The following TOP3A variants were observed in gnomAD, a reference collection of about 807,000 sequenced individuals.
TOP3A encodes the protein DNA topoisomerase 3-alpha.
In TOP3A, 64 loss-of-function variants were observed where a neutral mutation model predicts 111.3. The observed-to-expected ratio is 0.57, with a 90% CI of 0.47 to 0.71. TOP3A has a LOEUF of 0.71. Ranked by LOEUF, TOP3A falls within the 30% of genes least tolerant of loss-of-function variation. The pLI is 0.00. For missense variants in TOP3A, 1,104 were observed against 1,285.0 expected (o/e 0.86, Z 2.15); for synonymous variants, 484 against 485.1 (o/e 1.00, Z 0.03).
intron 1 of TOP3A, among the ~76,000 whole-genome samples, chr17:18,311,743 C>T (rs1981924769): frequency 6.6e-6 from 1 of 152,186 alleles, no homozygotes; most frequent in Admixed American, 6.5e-5. Context: ...ATCGCACATC[C>T]CATTATTTAA....
At chr17:18,288,151 A>AT (rs1295233051) in intron 13 of TOP3A, among the ~76,000 whole-genome samples, 77 of 126,608 alleles carry the variant, frequency 6.1e-4, no homozygotes, top group South Asian at 1.2e-3. Flanking sequence ...ATATATATAA[A>AT]TTTTTTTTTT....
chr17:18,274,638 G>T lies in TOP3A; in HGVS notation c.*164C>A. 1 of 1,207,674 alleles carries T rather than the reference G, an allele frequency of 8.3e-7. No individual in the cohort carries two copies. Among genetic ancestry groups the T allele is most frequent in the Non-Finnish European group, 1.1e-6 (1 of 889,692 alleles). 74.8% of individuals were successfully genotyped at this position (1,207,674 alleles called of 1,614,324 possible). On this transcript the variant is annotated 3_prime_UTR_variant, in exon 19 of 19. Transcript: ENST00000321105. Reference sequence around the variant, plus strand: ...CAGCAGAGCTGGCCTGCTCCAGAGTGATCTGGACCTTGTGCCCCTTAACAC... The same window carrying T: ...CAGCAGAGCTGGCCTGCTCCAGAGTTATCTGGACCTTGTGCCCCTTAACAC...
In TOP3A at chr17:18,302,409, G is replaced by T. The variant is rs201409673; in HGVS notation, c.669C>A (p.Thr223=). The part of the protein sequence containing the change: ...RIGAAFTRFQ[T]LRLQRIFPEV... The stretch of plus-strand genomic sequence containing the variant: ...CAGGAAAAATCCTCTGAAGCCGCAG[G>T]GTCTGGAACCTAGTAAAGGCAGCTC... Residue 223 remains threonine (T), a synonymous_variant, in exon 7 of 19, where the codon ACC becomes ACA. Transcript: ENST00000321105. 6.2e-7 allele frequency: 1 copy of T among 1,610,252 alleles called. No homozygotes were observed. The highest frequency in any genetic ancestry group is 8.5e-7 in the Non-Finnish European group (1 of 1,178,938).
intron 16 of TOP3A, among the ~76,000 whole-genome samples, chr17:18,281,590 T>C (rs1367438934): frequency 6.6e-6 from 1 of 152,188 alleles, no homozygotes; most frequent in African/African-American, 2.4e-5. Flanking sequence ...AGTGCTGAAA[T>C]ATACGCCCAG....
intron 8 of TOP3A, among the ~76,000 whole-genome samples, 197 bp from the exon 9 acceptor site, chr17:18,299,830 T>C (rs1383193587): frequency 6.6e-6 from 1 of 152,114 alleles, no homozygotes; most frequent in Non-Finnish European, 1.5e-5. Flanking sequence ...ACTTTCCCAC[T>C]CAAACCAAGA....
At chr17:18,292,902 T>G in intron 10 of TOP3A, 50 bp from the exon 11 acceptor site, 2 of 1,549,572 alleles carry the variant, frequency 1.3e-6, no homozygotes. Context: ...GCTCTCTGAT[T>G]GGTCTATAAA....
chr17:18,285,092 C>T (rs1176291479), intron 15 of TOP3A, 50 bp downstream of exon 15: 1 of 1,595,506 alleles, frequency 6.3e-7, no homozygotes, highest in Non-Finnish European at 8.5e-7. Flanking sequence ...AGTTCAAGAC[C>T]AGCCTGGGCA....
chr17:18,293,322 G>A (rs1393049396), intron 10 of TOP3A, among the ~76,000 whole-genome samples: 3 of 152,240 alleles, frequency 2.0e-5, no homozygotes, highest in Non-Finnish European at 4.4e-5. Flanking sequence ...GTCTTGCTGT[G>A]GCACCCAGGC....
At position 18,290,854 on chromosome 17, in the gene TOP3A, G is replaced by A; in HGVS notation, c.1455C>T (p.His485=). Residue 485 remains histidine (H), a synonymous_variant, in exon 12 of 19, where the codon CAC becomes CAT. Transcript: ENST00000321105. ...RNYLDVYPYD[H]WSDKILPVYE... ...CACTCTTTATTACCTTGTCACTCCA[G>A]TGATCATATGGATACACATCCAGAT... 1 of 1,614,140 alleles carries A rather than the reference G, an allele frequency of 6.2e-7. No homozygotes were observed. Among genetic ancestry groups the A allele is most frequent in the Non-Finnish European group, 8.5e-7 (1 of 1,180,010 alleles).
At position 18,294,763 on chromosome 17, in the gene TOP3A, C is replaced by T. The variant is rs145416998; in HGVS notation, c.1013G>A (p.Arg338Gln). The T allele has an allele frequency of 1.9e-6, 3 of 1,613,836 alleles. No homozygotes were observed. The highest frequency in any genetic ancestry group is 2.2e-5 in the South Asian group (2 of 91,064). The change falls in exon 10 of 19, where the codon CGA (arginine) becomes CAA (glutamine). Residue 338 changes from arginine (R) to glutamine (Q), a missense_variant. Coordinates refer to ENST00000321105, the MANE Select transcript of TOP3A (RefSeq NM_004618.5). ...TTCTTTAGCATTTATTCTCAACTTT[C>T]GAGAAGCCAGCTTCTCAAGCTCCTG... Reference protein sequence around the residue: ...DTVELEKLASRKLRINAKETM... With the variant: ...DTVELEKLASQKLRINAKETM...
chr17:18,292,903 G>A, intron 10 of TOP3A, 51 bp from the exon 11 acceptor site: 1 of 1,541,774 alleles, frequency 6.5e-7, no homozygotes, highest in East Asian at 2.3e-5. Flanking sequence ...CTCTCTGATT[G>A]GTCTATAAAC....
chr17:18,290,346 G>A (rs1980387859), intron 13 of TOP3A, among the ~76,000 whole-genome samples: 1 of 152,232 alleles, frequency 6.6e-6, no homozygotes, highest in Admixed American at 6.5e-5. Context: ...TAAGAGCACT[G>A]ACTGTGGAGT....
Position 18,285,314 on chromosome 17 carries a change from G to A in TOP3A, c.1712-7C>T. Reference sequence around the variant, plus strand: ...TAGCCCATGGAATCATAACCTGCAGGGAGAGAGTCGAGCTCAGTGAGGGCC... The same window carrying A: ...TAGCCCATGGAATCATAACCTGCAGAGAGAGAGTCGAGCTCAGTGAGGGCC... On this transcript the variant is annotated splice_region_variant and splice_polypyrimidine_tract_variant and intron_variant, in intron 14 of 18. Transcript: ENST00000321105. 1 of 1,614,024 alleles carries A rather than the reference G, an allele frequency of 6.2e-7. No individual in the cohort carries two copies. The highest frequency in any genetic ancestry group is 2.2e-5 in the East Asian group (1 of 44,878).
intron 2 of TOP3A, 44 bp from the exon 3 acceptor site, chr17:18,308,468 T>G (rs1363862410): frequency 7.3e-7 from 1 of 1,363,814 alleles, no homozygotes; most frequent in Non-Finnish European, 1.0e-6. Flanking sequence ...CTTTTTGCAG[T>G]TATTATTCTG....
At chr17:18,309,298 A>G (rs1981768126) in intron 1 of TOP3A, among the ~76,000 whole-genome samples, 1 of 152,216 alleles carries the variant, frequency 6.6e-6, no homozygotes, top group Admixed American at 6.5e-5. Flanking sequence ...ACTCTGGAAA[A>G]TGTTGGTGTT....
chr17:18,296,208 C>G (rs994766281), intron 9 of TOP3A, among the ~76,000 whole-genome samples: 3 of 152,194 alleles, frequency 2.0e-5, no homozygotes, highest in African/African-American at 7.2e-5. Context: ...CCCTAGGTGA[C>G]AAGCTAACAA....
chr17:18,308,843 C>A, intron 2 of TOP3A, 39 bp downstream of exon 2: 1 of 1,362,426 alleles, frequency 7.3e-7, no homozygotes, highest in Non-Finnish European at 1.0e-6. Flanking sequence ...CTTTCTCTTG[C>A]TTATGATTGA....
chr17:18,308,782 A>T, intron 2 of TOP3A, 100 bp downstream of exon 2: 1 of 705,640 alleles, frequency 1.4e-6, no homozygotes, highest in Non-Finnish European at 2.3e-6. Context: ...GGTTGTTAAC[A>T]GTTGTTATTC....
In TOP3A at chr17:18,277,593, G is replaced by T. The variant is rs1979456522; in HGVS notation, c.2827+82C>A. The T allele has an allele frequency of 6.0e-6, 9 of 1,493,558 alleles. No homozygotes were observed. In the South Asian group the frequency reaches 1.0e-4, roughly 17 times the overall value. 92.5% of individuals were successfully genotyped at this position (1,493,558 alleles called of 1,614,324 possible). On this transcript the variant is annotated intron_variant, in intron 18 of 18. Coordinates refer to ENST00000321105, the MANE Select transcript of TOP3A (RefSeq NM_004618.5). Reference sequence around the variant, plus strand: ...CCCAATCCCACCATGACCCTGCCTTGCCTTCTTTCTGCTGTCCCCAGTCTC... The same window carrying T: ...CCCAATCCCACCATGACCCTGCCTTTCCTTCTTTCTGCTGTCCCCAGTCTC...
Sources: allele counts gnomAD v4.1 joint callset (sites outside exome capture counted in the v4.1 genomes callset), GRCh38; gene constraint gnomAD v4.1.1; transcripts MANE v1.5; gene names NCBI Gene and HGNC (gene_info 2026-07-23, HGNC 2026-07-21).